Variants in DCAF16 observed in about 807,000 individuals in gnomAD.
DCAF16 encodes the protein DDB1 and CUL4 associated factor 16.
A neutral mutation model predicts 17.3 loss-of-function variants in DCAF16; 10 were observed. The ratio of observed to expected loss-of-function variants is 0.58; its 90% CI spans 0.36 to 0.98. DCAF16 has a LOEUF of 0.98. DCAF16 is among the 50% of genes least tolerant of loss of function. The pLI is 0.01. For missense variants in DCAF16, 249 were observed against 247.6 expected (o/e 1.01, Z -0.04); for synonymous variants, 111 against 92.8 (o/e 1.20, Z -1.12).
chr4:17,806,244 T>C (rs958978907), intron 1 of DCAF16, among the ~76,000 whole-genome samples: 1 of 152,216 alleles, frequency 6.6e-6, no homozygotes, highest in Non-Finnish European at 1.5e-5. Context: ...ATTTGCCATG[T>C]ACTACTCTAG....
In DCAF16 at chr4:17,804,227, G is replaced by T. The variant is rs1423835477; in HGVS notation, c.-86C>A. ...CTAACACTGGCAAATAGAAATAAGA[G>T]ATGAAAAATCCTTTCACCAAGATTA... On this transcript the variant is annotated 5_prime_UTR_variant, in exon 3 of 3. Coordinates refer to ENST00000382247, the MANE Select transcript of DCAF16 (RefSeq NM_017741.4). 1 of 1,164,612 alleles carries T rather than the reference G, an allele frequency of 8.6e-7. No individual in the cohort carries two copies. Among genetic ancestry groups the T allele is most frequent in the Non-Finnish European group, 1.2e-6 (1 of 818,386 alleles). The allele number at this position is 1,164,612 out of a possible 1,614,324, so 72.1% of individuals were successfully genotyped here.
chr4:17,798,106 T>C (rs1719510245), downstream of DCAF16, among the ~76,000 whole-genome samples: 3 of 152,152 alleles, frequency 2.0e-5, no homozygotes, highest in Admixed American at 2.0e-4. Context: ...CCCTCCTGAA[T>C]GATTGTTGTT....
Position 17,804,196 on chromosome 4 carries a change from CACTG to C in DCAF16, c.-59_-56del, listed in dbSNP as rs1720089148. ...AAGGTAATAATCTAAGCCAGCAGAA[CACTG>C]ACTAACACTGGCAAATAGAAATAAG... On this transcript the variant is annotated 5_prime_UTR_variant, in exon 3 of 3. Transcript: ENST00000382247. 4.5e-6 allele frequency: 6 copies of C among 1,344,602 alleles called. No homozygotes were observed. The highest frequency in any genetic ancestry group is 2.7e-5 in the South Asian group (2 of 73,922). The allele number at this position is 1,344,602 out of a possible 1,614,324, so 83.3% of individuals were successfully genotyped here.
intron 1 of DCAF16, among the ~76,000 whole-genome samples, chr4:17,806,398 G>C (rs910496506): frequency 1.1e-4 from 16 of 152,008 alleles, no homozygotes; most frequent in Admixed American, 2.6e-4. Context: ...TTTCAACTCA[G>C]GCACTGTTAA....
the DCAF16 span, among the ~76,000 whole-genome samples, chr4:17,794,262 C>T: frequency 2.0e-5 from 3 of 152,056 alleles, no homozygotes; most frequent in South Asian, 4.1e-4. Context: ...AATGAGATAT[C>T]TTTGGGATGG....
At chr4:17,808,269 G>A (rs1720509852) in intron 1 of DCAF16, among the ~76,000 whole-genome samples, 1 of 152,138 alleles carries the variant, frequency 6.6e-6, no homozygotes, top group Non-Finnish European at 1.5e-5. Flanking sequence ...GTCGTGGACC[G>A]TAAGTCTTTA....
At position 17,801,192 on chromosome 4, in the gene DCAF16, G is replaced by C. The variant is rs755229929; in HGVS notation, c.*2299C>G. 1.3e-5 allele frequency: 2 copies of C among 151,566 alleles called. No individual in the cohort carries two copies. Among genetic ancestry groups the C allele is most frequent in the East Asian group, 1.9e-4 (1 of 5,176 alleles). 9.4% of individuals were successfully genotyped at this position (151,566 alleles called of 1,614,324 possible). ...TGCCCAGGCTGGAGTGCAGTGGCGC[G>C]ATCTCAGCTCATTGCAACCTCCACC... On this transcript the variant is annotated 3_prime_UTR_variant, in exon 3 of 3. Transcript: ENST00000382247.
chr4:17,800,135 A>G (rs918256038), downstream of DCAF16, among the ~76,000 whole-genome samples: 1 of 141,270 alleles, frequency 7.1e-6, no homozygotes, highest in African/African-American at 2.7e-5. Context: ...CAAGAGCGAA[A>G]CTCCATCTCA....
the DCAF16 span, among the ~76,000 whole-genome samples, chr4:17,795,353 G>T: frequency 6.6e-6 from 1 of 150,952 alleles, no homozygotes; most frequent in African/African-American, 2.5e-5. Context: ...AATGTGCTTT[G>T]GTATTTTTTA....
chr4:17,799,864 C>T (rs1452106191), downstream of DCAF16, among the ~76,000 whole-genome samples: 5 of 151,922 alleles, frequency 3.3e-5, no homozygotes, highest in African/African-American at 4.8e-5. Flanking sequence ...AAAATGTTGC[C>T]TATGGCTGGG....
At chr4:17,807,645 A>G (rs1258487939) in intron 1 of DCAF16, among the ~76,000 whole-genome samples, 2 of 152,278 alleles carry the variant, frequency 1.3e-5, no homozygotes, top group Non-Finnish European at 2.9e-5. Flanking sequence ...CTGTGATGAC[A>G]GGAATTAGAA....
chr4:17,808,290 C>A (rs183208235), intron 1 of DCAF16, among the ~76,000 whole-genome samples: 68 of 152,282 alleles, frequency 4.5e-4, no homozygotes, highest in Admixed American at 8.5e-4. Context: ...TTAACTGAGA[C>A]AGGAGAAGCT....
chr4:17,807,114 A>C (rs532577443), intron 1 of DCAF16, among the ~76,000 whole-genome samples: 2 of 152,192 alleles, frequency 1.3e-5, no homozygotes, highest in Non-Finnish European at 2.9e-5. Flanking sequence ...AAAGACCTAA[A>C]TGGGGATGGT....
rs553981206 is a variant in DCAF16 at position 17,801,119 on chromosome 4, A to G, written c.*2372T>C. 9 of 152,050 alleles carry G rather than the reference A, an allele frequency of 5.9e-5. No individual in the cohort carries two copies. The East Asian group carries it at 1.4e-3, about 23-fold the overall frequency. 9.4% of individuals were successfully genotyped at this position (152,050 alleles called of 1,614,324 possible). A position where few individuals can be genotyped will look rare whatever the true frequency, so the allele number is the denominator to read the frequency against. On this transcript the variant is annotated 3_prime_UTR_variant, in exon 3 of 3. Transcript: ENST00000382247. ...TCTTAAAGTTGCTATATATTTACACAATTTGTGATTCCTAACCTTTTTTTT... is the reference window on the plus strand; with the variant it reads ...TCTTAAAGTTGCTATATATTTACACGATTTGTGATTCCTAACCTTTTTTTT...
intron 1 of DCAF16, among the ~76,000 whole-genome samples, chr4:17,809,092 G>A (rs1720608146): frequency 6.6e-6 from 1 of 152,138 alleles, no homozygotes. Context: ...CAACACAAAT[G>A]TTACCACATT....
Position 17,803,777 on chromosome 4 carries a change from G to C in DCAF16, c.365C>G (p.Pro122Arg). The C allele has an allele frequency of 6.2e-7, 1 of 1,614,158 alleles. No individual in the cohort carries two copies. Among genetic ancestry groups the C allele is most frequent in the Non-Finnish European group, 8.5e-7 (1 of 1,180,036 alleles). The change falls in exon 3 of 3, where the codon CCA (proline) becomes CGA (arginine). Residue 122 changes from proline to arginine, a missense_variant. Coordinates refer to ENST00000382247, the MANE Select transcript of DCAF16 (RefSeq NM_017741.4). The part of the protein sequence containing the change: ...EWPPLASCGV[P>R]PFQKPLTSPS... ...ACTTGTAAGAGGCTTTTGAAAAGGT[G>C]GGACTCCACAAGAGGCCAGAGGGGG...
rs1263388693 is a variant in DCAF16, at chr4:17,803,181, C to T, written c.*310G>A. The T allele has an allele frequency of 2.3e-5, 7 of 309,404 alleles. No homozygotes were observed. Among genetic ancestry groups the T allele is most frequent in the Non-Finnish European group, 3.1e-5 (5 of 162,110 alleles). 19.2% of individuals were successfully genotyped at this position (309,404 alleles called of 1,614,324 possible). On this transcript the variant is annotated 3_prime_UTR_variant, in exon 3 of 3. Transcript: ENST00000382247. ...CAGGGATTACAGGCGTGCACTGCTG[C>T]GCCCGGCTAATTTTTTTATTTTTAG...
rs1439414799 is a variant in DCAF16 at position 17,802,017 on chromosome 4, G to C, written c.*1474C>G. On this transcript the variant is annotated 3_prime_UTR_variant, in exon 3 of 3. Transcript: ENST00000382247. ...ATTCGGGAGGCAGGGCAGGAGAATG[G>C]CACGAACCCGGGAGGCAGAGCTTGC... 2 of 149,204 alleles carry C rather than the reference G, an allele frequency of 1.3e-5. No homozygotes were observed. Among genetic ancestry groups the C allele is most frequent in the Admixed American group, 1.4e-4 (2 of 14,576 alleles). 9.2% of individuals were successfully genotyped at this position (149,204 alleles called of 1,614,324 possible). A position where few individuals can be genotyped will look rare whatever the true frequency, so the allele number is the denominator to read the frequency against.
Position 17,803,834 on chromosome 4 carries a change from C to T in DCAF16, c.308G>A (p.Cys103Tyr), listed in dbSNP as rs1577316396. Residue 103 changes from cysteine to tyrosine, a missense_variant, in exon 3 of 3, where the codon TGT (cysteine) becomes TAT (tyrosine). Cys to Tyr is a radical substitution (Grantham distance 194, BLOSUM62 -2). Coordinates refer to ENST00000382247, the MANE Select transcript of DCAF16 (RefSeq NM_017741.4). Reference protein sequence around the residue: ...IGLRLSHCSHCVPKLEPIPEW... With the variant: ...IGLRLSHCSHYVPKLEPIPEW... ...AGGAATTGGTTCCAGTTTGGGGACA[C>T]AATGGGAACAATGGGAGAGTCTTAG... 6.2e-7 allele frequency: 1 copy of T among 1,614,124 alleles called. No individual in the cohort carries two copies. Among genetic ancestry groups the T allele is most frequent in the Non-Finnish European group, 8.5e-7 (1 of 1,180,018 alleles).
Sources: allele counts gnomAD v4.1 joint callset (sites outside exome capture counted in the v4.1 genomes callset), GRCh38; gene constraint gnomAD v4.1.1; transcripts MANE v1.5; gene names NCBI Gene and HGNC (gene_info 2026-07-23, HGNC 2026-07-21).